Variants in ESRRB observed in about 807,000 individuals in gnomAD.
ESRRB encodes the protein estrogen related receptor beta.
A neutral mutation model predicts 46.0 loss-of-function variants in ESRRB; 16 were observed. The observed-to-expected ratio is 0.35, with a 90% confidence interval of 0.24 to 0.53. The LOEUF (loss-of-function observed/expected upper bound fraction) is 0.53, where lower values mean the gene tolerates loss of function less well. Among genes scored for constraint, ESRRB ranks in the 20% least tolerant of loss-of-function variants. ESRRB has a pLI of 0.93. For missense variants in ESRRB, 488 were observed against 607.4 expected, an observed-to-expected ratio of 0.80 and a Z score of 2.07; for synonymous variants, 246 against 259.6, an observed-to-expected ratio of 0.95 and a Z score of 0.50.
At chr14:76,374,203 T>C (rs927069796), upstream of ESRRB, among the ~76,000 whole-genome samples, 5 of 152,194 alleles carry the variant, frequency 3.3e-5, no homozygotes, top group African/African-American at 9.7e-5. Context: ...TGCTAGAGAT[T>C]CTCTGGTGAA....
chr14:76,355,695 TC>T (rs1884370940), intron 1 of ESRRB, among the ~76,000 whole-genome samples: 1 of 152,152 alleles, frequency 6.6e-6, no homozygotes, highest in Admixed American at 6.5e-5. Context: ...GCCTCAGTTT[TC>T]TTCTCTGTAA....
At chr14:76,310,950 AGACT>A (rs1454774009) in intron 1 of ESRRB, 1 of 447,408 alleles carries the variant, frequency 2.2e-6, no homozygotes, top group Non-Finnish European at 4.4e-6. Flanking sequence ...TCTCCTCCCC[AGACT>A]CTGCGGGTCC....
rs1428076228 is a variant in ESRRB, at chr14:76,347,451, G to GA, written c.2+36539dup. 2.8e-4 allele frequency among the ~76,000 whole-genome samples: 9 copies of GA among 32,082 alleles called. 4 individuals are homozygous for GA. Among genetic ancestry groups the GA allele is most frequent in the Non-Finnish European group, 3.6e-4 (5 of 14,062 alleles). The allele number at this position is 32,082 out of a possible 152,430, so 21.0% of individuals were successfully genotyped here. ...TGTGTGTGTCACACACACACACCGA[G>GA]AAAACTAAATGAGAATTAAATGGGT... On this transcript the variant is annotated intron_variant, in intron 1 of 6. Transcript: ENST00000512784.
chr14:76,432,655 A>G (rs1446887199), intron 1 of ESRRB, among the ~76,000 whole-genome samples: 5 of 124,164 alleles, frequency 4.0e-5, no homozygotes, highest in Non-Finnish European at 6.4e-5. Flanking sequence ...TTACTGAATA[A>G]GCTATTTCTC....
intron 1 of ESRRB, among the ~76,000 whole-genome samples, chr14:76,329,468 G>A (rs1883976455): frequency 6.6e-6 from 1 of 152,116 alleles, no homozygotes; most frequent in Non-Finnish European, 1.5e-5. Context: ...CACACTCCAG[G>A]CACTGACCTA....
At chr14:76,448,703 G>T (rs1888257615) in intron 2 of ESRRB, among the ~76,000 whole-genome samples, 1 of 152,044 alleles carries the variant, frequency 6.6e-6, no homozygotes, top group African/African-American at 2.4e-5. Flanking sequence ...AAGGTTCTCA[G>T]TGTGTCCAAA....
At chr14:76,423,567 G>T (rs1027104140) in intron 1 of ESRRB, among the ~76,000 whole-genome samples, 1 of 152,106 alleles carries the variant, frequency 6.6e-6, no homozygotes, top group African/African-American at 2.4e-5. Flanking sequence ...CTCCTGGGGC[G>T]CTGGTGGACT....
At chr14:76,449,557 A>G (rs1888293214) in intron 2 of ESRRB, among the ~76,000 whole-genome samples, 1 of 151,986 alleles carries the variant, frequency 6.6e-6, no homozygotes, top group Non-Finnish European at 1.5e-5. Flanking sequence ...CTCAAAAAAA[A>G]AAAGAAAAAA....
chr14:76,325,813 C>G (rs1883923398), intron 1 of ESRRB, among the ~76,000 whole-genome samples: 1 of 152,222 alleles, frequency 6.6e-6, no homozygotes, highest in Non-Finnish European at 1.5e-5. Flanking sequence ...TGAGGGCGCG[C>G]TGGCCCGCAG....
intron 1 of ESRRB, among the ~76,000 whole-genome samples, chr14:76,345,146 C>T (rs913413692): frequency 4.6e-5 from 7 of 152,062 alleles, no homozygotes; most frequent in African/African-American, 1.4e-4. Flanking sequence ...GATTTCATGA[C>T]GAAAAACCCA....
At chr14:76,425,594 G>A (rs115126290) in intron 1 of ESRRB, among the ~76,000 whole-genome samples, 21 of 152,008 alleles carry the variant, frequency 1.4e-4, no homozygotes, top group African/African-American at 3.6e-4. Flanking sequence ...TTCCCTGTGC[G>A]GCCCCTCCCT....
chr14:76,446,408 G>A (rs569965309), intron 2 of ESRRB, among the ~76,000 whole-genome samples: 34 of 151,642 alleles, frequency 2.2e-4, no homozygotes, highest in African/African-American at 8.0e-4. Flanking sequence ...TGTCGCTGGG[G>A]GCTGTGATGA....
At chr14:76,384,367 A>G (rs1018784343) in intron 1 of ESRRB, among the ~76,000 whole-genome samples, 1 of 152,132 alleles carries the variant, frequency 6.6e-6, no homozygotes. Flanking sequence ...TCTCGTAACC[A>G]TTTTTCTCAT....
intron 2 of ESRRB, among the ~76,000 whole-genome samples, chr14:76,453,070 G>C (rs1454428554): frequency 2.6e-5 from 4 of 152,236 alleles, no homozygotes; most frequent in African/African-American, 9.6e-5. Context: ...TCTGAGACTG[G>C]GGGGCAAGGC....
intron 1 of ESRRB, among the ~76,000 whole-genome samples, chr14:76,393,385 C>G (rs1171319549): frequency 6.6e-6 from 1 of 152,200 alleles, no homozygotes; most frequent in African/African-American, 2.4e-5. Context: ...TAAGACTTTC[C>G]TCTGTGCCAG....
At chr14:76,439,883 C>A in intron 2 of ESRRB, 133 bp downstream of exon 2, 2 of 966,424 alleles carry the variant, frequency 2.1e-6, no homozygotes, top group South Asian at 3.4e-5. Context: ...TTCTGTGGGG[C>A]GCCTTTTCCC....
chr14:76,483,062 C>T (rs768910601), intron 5 of ESRRB, among the ~76,000 whole-genome samples: 38 of 152,184 alleles, frequency 2.5e-4, no homozygotes, highest in Non-Finnish European at 2.2e-4. Context: ...TCCTTGAGCC[C>T]TTAAAGGGCA....
intron 1 of ESRRB, among the ~76,000 whole-genome samples, chr14:76,405,614 G>A (rs1157943541): frequency 6.6e-6 from 1 of 152,128 alleles, no homozygotes; most frequent in Non-Finnish European, 1.5e-5. Flanking sequence ...AAAGACAGAA[G>A]GAAAATGGAC....
At position 76,439,434 on chromosome 14, in the gene ESRRB, C is replaced by T. The variant is rs35544003; in HGVS notation, c.144C>T (p.Ile48=). The change falls in exon 2 of 7, where the codon ATC becomes ATT. Residue 48 remains isoleucine (I), a synonymous_variant. Coordinates refer to ENST00000644823, the MANE Select transcript of ESRRB (RefSeq NM_001379180.1). ...KTEPSSPSSG[I]DALSHHSPSG... ...AGCCGTCCAGCCCGTCCTCGGGCAT[C>T]GATGCCCTCAGCCACCACAGCCCCA... 2.5e-6 allele frequency: 4 copies of T among 1,613,452 alleles called. No homozygotes were observed. The South Asian group carries it at 3.3e-5, about 13-fold the overall frequency.
Sources: gnomAD v4.1 joint callset for allele counts (sites outside exome capture counted in the v4.1 genomes callset) on GRCh38, gnomAD v4.1.1 for gene constraint, MANE v1.5 for transcripts, NCBI Gene and HGNC (gene_info 2026-07-23, HGNC 2026-07-21) for gene names.